CSMD1: variants seen among roughly 807,000 people sequenced by gnomAD.
CSMD1 encodes the protein CUB and Sushi multiple domains 1, also known as CUB and sushi domain-containing protein 1.
CSMD1 carries 213 observed loss-of-function variants against 417.5 expected under a neutral mutation model. The observed-to-expected ratio is 0.51, with a 90% CI of 0.46 to 0.57. CSMD1 has a LOEUF of 0.57. CSMD1 is among the 20% of genes least tolerant of loss of function. The pLI, the probability that CSMD1 is intolerant of heterozygous loss-of-function variation, is 0.00. For synonymous variants in CSMD1, 2,862 were observed against 1,736.8 expected, an observed-to-expected ratio of 1.65 and a Z score of -16.11; for missense variants, 6,923 against 4,529.7, an observed-to-expected ratio of 1.53 and a Z score of -15.17.
intron 6 of CSMD1, among the ~76,000 whole-genome samples, chr8:3,738,045 G>C (rs75225719): frequency 0.02 from 3,012 of 152,296 alleles, 98 homozygotes; most frequent in African/African-American, 0.069. Flanking sequence ...TCTGGTGTCT[G>C]TAAGTTTCAA....
chr8:3,468,687 C>T, intron 12 of CSMD1, 25 bp downstream of exon 12: 2 of 1,466,656 alleles, frequency 1.4e-6, no homozygotes, highest in South Asian at 1.2e-5. Context: ...AACTTCCAAC[C>T]CTGTGAAGTG....
intron 2 of CSMD1, among the ~76,000 whole-genome samples, chr8:4,484,031 T>G (rs1002692966): frequency 2.6e-5 from 4 of 152,102 alleles, no homozygotes; most frequent in African/African-American, 4.8e-5. Flanking sequence ...TAGGGCTGCA[T>G]TAGACATTTC....
chr8:3,106,471 A>T, intron 46 of CSMD1, 57 bp downstream of exon 46: 1 of 1,061,664 alleles, frequency 9.4e-7, no homozygotes, highest in Non-Finnish European at 1.4e-6. Flanking sequence ...CAATACAAAC[A>T]ATACAATTTT....
chr8:3,169,291 T>C (rs1311728796), intron 37 of CSMD1, among the ~76,000 whole-genome samples: 2 of 152,168 alleles, frequency 1.3e-5, no homozygotes, highest in Non-Finnish European at 2.9e-5. Context: ...ATTGATTTTT[T>C]GATAGGAGAC....
At position 3,452,254 on chromosome 8, in the gene CSMD1, A is replaced by C. The variant is rs147939703; in HGVS notation, c.1561+16458T>G. 5.5e-3 allele frequency among the ~76,000 whole-genome samples: 839 copies of C among 152,328 alleles called. 24 individuals are homozygous for C. In the East Asian group the frequency reaches 0.076, roughly 14 times the overall value. ...GGTTTTCTAAATATACAATCATGTC[A>C]TCTGGAAAAAGGGACAATTTGACTT... On this transcript the variant is annotated intron_variant, in intron 12 of 69. Transcript: ENST00000635120.
intron 3 of CSMD1, among the ~76,000 whole-genome samples, chr8:4,353,666 C>T (rs768832960): frequency 6.6e-5 from 10 of 152,122 alleles, no homozygotes; most frequent in Non-Finnish European, 1.5e-4. Context: ...TCTGCCTTTA[C>T]TCATTTCTCT....
chr8:3,737,569 T>A (rs539652110), intron 6 of CSMD1, among the ~76,000 whole-genome samples: 2 of 151,308 alleles, frequency 1.3e-5, no homozygotes, highest in South Asian at 4.1e-4. Context: ...GTAGCATATA[T>A]CCTCCTATGT....
chr8:3,775,441 G>A (rs1013676551), intron 5 of CSMD1, among the ~76,000 whole-genome samples: 1 of 152,000 alleles, frequency 6.6e-6, no homozygotes, highest in Non-Finnish European at 1.5e-5. Flanking sequence ...TTTGGGGAGG[G>A]GGCAAAAACA....
At chr8:3,729,566 G>A (rs1205910505) in intron 6 of CSMD1, among the ~76,000 whole-genome samples, 1 of 152,240 alleles carries the variant, frequency 6.6e-6, no homozygotes, top group South Asian at 2.1e-4. Flanking sequence ...AGAAGGTATC[G>A]GGTCAGTAAG....
intron 1 of CSMD1, among the ~76,000 whole-genome samples, chr8:4,700,959 C>T (rs1462601448): frequency 6.6e-6 from 1 of 152,068 alleles, no homozygotes; most frequent in Non-Finnish European, 1.5e-5. Flanking sequence ...CCTTCGGTCT[C>T]CTGCATGTAC....
chr8:4,156,178 G>A (rs1005171195), intron 3 of CSMD1, among the ~76,000 whole-genome samples: 7 of 152,116 alleles, frequency 4.6e-5, no homozygotes, highest in African/African-American at 1.4e-4. Context: ...GAGGGGTGTG[G>A]GAACAAGGTT....
intron 49 of CSMD1, among the ~76,000 whole-genome samples, chr8:3,081,574 G>A (rs1351223677): frequency 6.6e-6 from 1 of 152,110 alleles, no homozygotes; most frequent in Non-Finnish European, 1.5e-5. Context: ...ATTTGCATTA[G>A]TAATTACATT....
At chr8:3,875,442 T>C (rs6983959) in intron 5 of CSMD1, among the ~76,000 whole-genome samples, 3,124 of 151,940 alleles carry the variant, frequency 0.021, 131 homozygotes, top group African/African-American at 0.072. Flanking sequence ...GGGAGTGAGA[T>C]GATGTAGGTG....
At chr8:4,414,327 C>T (rs756931408) in intron 3 of CSMD1, among the ~76,000 whole-genome samples, 6 of 152,236 alleles carry the variant, frequency 3.9e-5, no homozygotes, top group Admixed American at 6.5e-5. Context: ...TCCTGAAACC[C>T]GAAGAAAAGG....
At chr8:4,322,437 A>C (rs780335725) in intron 3 of CSMD1, among the ~76,000 whole-genome samples, 2 of 152,190 alleles carry the variant, frequency 1.3e-5, no homozygotes, top group Non-Finnish European at 2.9e-5. Flanking sequence ...AGAATATTCT[A>C]TCATAAGAGT....
intron 3 of CSMD1, among the ~76,000 whole-genome samples, chr8:4,318,154 G>T (rs1004643055): frequency 6.6e-6 from 1 of 152,026 alleles, no homozygotes; most frequent in African/African-American, 2.4e-5. Flanking sequence ...GAAATAATAT[G>T]AACATTCTAA....
intron 1 of CSMD1, among the ~76,000 whole-genome samples, chr8:4,808,664 T>G (rs1585134191): frequency 6.6e-6 from 1 of 152,324 alleles, no homozygotes; most frequent in East Asian, 1.9e-4. Context: ...ACAATCGGTT[T>G]CAACCATTTA....
chr8:4,795,790 C>T (rs1044438345), intron 1 of CSMD1, among the ~76,000 whole-genome samples: 15 of 152,074 alleles, frequency 9.9e-5, no homozygotes, highest in African/African-American at 3.1e-4. Context: ...ACTCTGAGTG[C>T]AATTCATAAA....
At chr8:4,021,492 A>G (rs1387721657) in intron 4 of CSMD1, among the ~76,000 whole-genome samples, 51 of 152,296 alleles carry the variant, frequency 3.3e-4, no homozygotes, top group African/African-American at 1.2e-4. Flanking sequence ...TGAATCCGCT[A>G]CATCCCCAGC....
Sources: allele counts gnomAD v4.1 joint callset (sites outside exome capture counted in the v4.1 genomes callset), GRCh38; gene constraint gnomAD v4.1.1; transcripts MANE v1.5; gene names NCBI Gene and HGNC (gene_info 2026-07-23, HGNC 2026-07-21).